The following AKT3 variants were observed in gnomAD, a reference collection of about 807,000 sequenced individuals.
AKT3 encodes the protein AKT serine/threonine kinase 3, also known as RAC-gamma serine/threonine-protein kinase.
In AKT3, 15 loss-of-function variants were observed where a neutral mutation model predicts 65.3. The observed-to-expected ratio is 0.23, with a 90% CI of 0.15 to 0.35. The LOEUF is 0.35. Among genes scored for constraint, AKT3 ranks in the 10% least tolerant of loss-of-function variants. AKT3 has a pLI of 1.00. For missense variants in AKT3, 243 were observed against 576.5 expected (o/e 0.42, Z 5.92); for synonymous variants, 206 against 183.8 (o/e 1.12, Z -0.98).
intron 2 of AKT3, among the ~76,000 whole-genome samples, chr1:243,774,375 T>C (rs1365939357): frequency 6.6e-6 from 1 of 152,166 alleles, no homozygotes; most frequent in African/African-American, 2.4e-5. Flanking sequence ...CAGCTTTGAG[T>C]TAATGTCTAT....
At chr1:243,626,743 A>T (rs1048306333) in intron 6 of AKT3, among the ~76,000 whole-genome samples, 13 of 152,230 alleles carry the variant, frequency 8.5e-5, no homozygotes, top group African/African-American at 2.9e-4. Flanking sequence ...ACAGGATATG[A>T]GGATGAAATG....
intron 11 of AKT3, among the ~76,000 whole-genome samples, 198 bp from the exon 12 acceptor site, chr1:243,545,795 G>A (rs954470984): frequency 1.3e-5 from 2 of 152,184 alleles, no homozygotes; most frequent in Admixed American, 6.5e-5. Context: ...GAACAGTATG[G>A]TATTTGGAAA....
intron 2 of AKT3, among the ~76,000 whole-genome samples, chr1:243,744,305 G>A (rs997302550): frequency 4.8e-4 from 73 of 152,166 alleles, no homozygotes; most frequent in Non-Finnish European, 4.0e-4. Flanking sequence ...GTAGAGGAAG[G>A]GAAGGCTTAT....
chr1:243,834,167 C>G (rs12093015), intron 2 of AKT3, among the ~76,000 whole-genome samples: 3,441 of 151,954 alleles, frequency 0.023, 127 homozygotes, highest in African/African-American at 0.078. Context: ...GAAAATATGA[C>G]CAAAGGAATA....
At chr1:243,799,174 G>C (rs1370970831) in intron 2 of AKT3, among the ~76,000 whole-genome samples, 1 of 152,156 alleles carries the variant, frequency 6.6e-6, no homozygotes, top group African/African-American at 2.4e-5. Flanking sequence ...CACTCAATGG[G>C]GCTGTGGAAG....
chr1:243,553,515 C>T (rs1414322115), intron 10 of AKT3, among the ~76,000 whole-genome samples: 1 of 152,120 alleles, frequency 6.6e-6, no homozygotes, highest in Non-Finnish European at 1.5e-5. Flanking sequence ...TCAACTCTTT[C>T]TGGAACTATT....
intron 12 of AKT3, among the ~76,000 whole-genome samples, chr1:243,541,479 G>A (rs990179223): frequency 2.1e-4 from 31 of 151,088 alleles, no homozygotes; most frequent in African/African-American, 7.1e-4. Flanking sequence ...AATTCTCCAC[G>A]CTCATCTTTT....
chr1:243,700,331 T>C (rs1685365685), intron 2 of AKT3, among the ~76,000 whole-genome samples: 2 of 152,156 alleles, frequency 1.3e-5, no homozygotes, highest in African/African-American at 2.4e-5. Context: ...TACTTAGTCC[T>C]AATAACTTCA....
At position 243,624,502 on chromosome 1, in the gene AKT3, G is replaced by A. The variant is rs1352376565; in HGVS notation, c.562-9341C>T. On this transcript the variant is annotated intron_variant, in intron 6 of 13. Coordinates refer to ENST00000673466, the MANE Select transcript of AKT3 (RefSeq NM_005465.7). ...TGATAAACTTCCAGGTTAAAATTAG[G>A]CTAACTGCTTGGAATAACAAACTCT... Among the ~76,000 whole-genome samples the A allele has an allele frequency of 6.6e-4, 100 of 151,954 alleles. 1 individual carries two copies. Among genetic ancestry groups the A allele is most frequent in the East Asian group, 1.9e-4 (1 of 5,186 alleles).
chr1:243,688,483 T>C (rs1684483889), intron 3 of AKT3, among the ~76,000 whole-genome samples: 1 of 152,204 alleles, frequency 6.6e-6, no homozygotes. Context: ...GGAACTTTTT[T>C]TGGAGATGAA....
intron 5 of AKT3, among the ~76,000 whole-genome samples, chr1:243,642,670 CA>C (rs1680526359): frequency 6.6e-6 from 1 of 152,046 alleles, no homozygotes; most frequent in Admixed American, 6.6e-5. Context: ...AATCCTCCTC[CA>C]AAGCCTGATC....
intron 13 of AKT3, among the ~76,000 whole-genome samples, chr1:243,508,655 CTTTTTTTTTTTTTT>C (rs369887012): frequency 9.2e-6 from 1 of 108,316 alleles, no homozygotes; most frequent in Non-Finnish European, 1.7e-5. Context: ...AAAAGCCAGA[CTTTTTTTTTTTTTT>C]TTTTTTTTTT....
At chr1:243,735,382 G>A (rs576097022) in intron 2 of AKT3, among the ~76,000 whole-genome samples, 2 of 152,256 alleles carry the variant, frequency 1.3e-5, no homozygotes, top group Non-Finnish European at 2.9e-5. Context: ...TTATGGGATC[G>A]CTGTCATATA....
At chr1:243,806,476 C>T (rs547578841) in intron 2 of AKT3, among the ~76,000 whole-genome samples, 2 of 152,136 alleles carry the variant, frequency 1.3e-5, no homozygotes, top group Admixed American at 1.3e-4. Context: ...TTGTGAATAC[C>T]AAAAGCATTA....
rs1670067833 is a variant in AKT3, at chr1:243,512,388, T to G, written c.1290A>C (p.Thr430=). 6.3e-7 allele frequency: 1 copy of G among 1,590,954 alleles called. No individual in the cohort carries two copies. The highest frequency in any genetic ancestry group is 1.4e-5 in the African/African-American group (1 of 73,996). ...ATTCTTCATCAAAATATCTAGTATC[T>G]GTCTCAGATGTTACTTGAGGTTTAA... The part of the protein sequence containing the change: ...PPFKPQVTSE[T]DTRYFDEEFT... The change falls in exon 13 of 14, where the codon ACA becomes ACC. Residue 430 remains threonine (T), a synonymous_variant. Coordinates refer to ENST00000673466, the MANE Select transcript of AKT3 (RefSeq NM_005465.7).
chr1:243,827,670 T>C (rs1379999318), intron 2 of AKT3, among the ~76,000 whole-genome samples: 1 of 151,930 alleles, frequency 6.6e-6, no homozygotes, highest in Non-Finnish European at 1.5e-5. Flanking sequence ...CAATCCTGAG[T>C]GAGAGGAAAA....
downstream of AKT3, among the ~76,000 whole-genome samples, chr1:243,496,275 G>A (rs370907701): frequency 2.0e-5 from 3 of 152,224 alleles, no homozygotes; most frequent in Non-Finnish European, 4.4e-5. Flanking sequence ...GGGTGCGGGC[G>A]GAGCCGGGCC....
chr1:243,596,009 CAT>C (rs1676586360), intron 8 of AKT3, among the ~76,000 whole-genome samples: 2 of 152,200 alleles, frequency 1.3e-5, no homozygotes, highest in Non-Finnish European at 2.9e-5. Context: ...ATCACCAAAA[CAT>C]GTGAGTAATG....
chr1:243,723,993 A>T (rs1687065724), intron 2 of AKT3, among the ~76,000 whole-genome samples: 2 of 152,236 alleles, frequency 1.3e-5, no homozygotes, highest in African/African-American at 2.4e-5. Flanking sequence ...CTCTCTCAAG[A>T]AACTTCATTT....
Sources: allele counts gnomAD v4.1 joint callset (sites outside exome capture counted in the v4.1 genomes callset), GRCh38; gene constraint gnomAD v4.1.1; transcripts MANE v1.5; gene names NCBI Gene and HGNC (gene_info 2026-07-23, HGNC 2026-07-21).